Variants in DLGAP1 observed in about 807,000 individuals in gnomAD.
The protein encoded by DLGAP1 is disks large-associated protein 1.
In DLGAP1, 11 loss-of-function variants were observed where a neutral mutation model predicts 90.8. The ratio of observed to expected loss-of-function variants is 0.12; its 90% CI spans 0.08 to 0.20. The LOEUF is 0.20. Ranked by LOEUF, DLGAP1 falls within the 10% of genes least tolerant of loss-of-function variation. The pLI is 1.00. For synonymous variants in DLGAP1, 558 were observed against 540.7 expected, an observed-to-expected ratio of 1.03 and a Z score of -0.44; for missense variants, 1,050 against 1,333.8, an observed-to-expected ratio of 0.79 and a Z score of 3.31.
intron 2 of DLGAP1, among the ~76,000 whole-genome samples, chr18:4,144,950 T>G (rs2076560242): frequency 6.6e-6 from 1 of 152,214 alleles, no homozygotes; most frequent in African/African-American, 2.4e-5. Context: ...TGTAATAAAC[T>G]CTATTATACT....
chr18:3,902,910 T>G (rs2071814785), intron 3 of DLGAP1, among the ~76,000 whole-genome samples: 2 of 152,056 alleles, frequency 1.3e-5, no homozygotes, highest in East Asian at 1.9e-4. Flanking sequence ...CTTTTAAGAC[T>G]CATTCAAATC....
chr18:4,117,195 C>T (rs1475161392), intron 2 of DLGAP1, among the ~76,000 whole-genome samples: 1 of 152,164 alleles, frequency 6.6e-6, no homozygotes, highest in East Asian at 1.9e-4. Flanking sequence ...AAGAAACCAA[C>T]ACTGCTTACA....
chr18:4,125,190 G>C (rs959113983), intron 2 of DLGAP1, among the ~76,000 whole-genome samples: 2 of 152,158 alleles, frequency 1.3e-5, no homozygotes, highest in Non-Finnish European at 2.9e-5. Flanking sequence ...GAGTGAAGAG[G>C]GGTGCTTATG....
At chr18:3,641,461 C>T (rs769142834) in intron 7 of DLGAP1, among the ~76,000 whole-genome samples, 36 of 147,508 alleles carry the variant, frequency 2.4e-4, no homozygotes, top group South Asian at 4.3e-4. Flanking sequence ...CGCTTGAACC[C>T]GGGAGGAGGA....
At chr18:3,567,085 A>G (rs573630767) in intron 9 of DLGAP1, among the ~76,000 whole-genome samples, 7 of 124,980 alleles carry the variant, frequency 5.6e-5, no homozygotes, top group Admixed American at 5.6e-4. Context: ...TCATTCATTC[A>G]TCATTCATTG....
At position 3,967,944 on chromosome 18, in the gene DLGAP1, G is replaced by C. The variant is rs111564237; in HGVS notation, c.-73+37172C>G. On this transcript the variant is annotated intron_variant, in intron 3 of 12. Coordinates refer to ENST00000315677, the MANE Select transcript of DLGAP1 (RefSeq NM_004746.4). The stretch of plus-strand genomic sequence containing the variant: ...AGGCAAGCCATACTTCCCTTCTTAG[G>C]ACTCCTTCACATTCTCCTTGTGGCT... Among the ~76,000 whole-genome samples the C allele has an allele frequency of 3.2e-3, 488 of 151,838 alleles. 2 individuals carry two copies. Among genetic ancestry groups the C allele is most frequent in the African/African-American group, 0.011 (462 of 41,424 alleles).
At chr18:3,732,250 T>A (rs2062461551) in intron 6 of DLGAP1, among the ~76,000 whole-genome samples, 1 of 152,222 alleles carries the variant, frequency 6.6e-6, no homozygotes, top group South Asian at 2.1e-4. Flanking sequence ...AGGTTCAATC[T>A]TTTTGGCAAG....
intron 7 of DLGAP1, among the ~76,000 whole-genome samples, chr18:3,631,340 C>T (rs1309363250): frequency 6.6e-6 from 1 of 152,146 alleles, no homozygotes; most frequent in Non-Finnish European, 1.5e-5. Flanking sequence ...ACATATTTAA[C>T]TTACTAATAT....
chr18:4,126,938 T>C (rs1382405444), intron 2 of DLGAP1, among the ~76,000 whole-genome samples: 5 of 152,348 alleles, frequency 3.3e-5, no homozygotes, highest in South Asian at 2.1e-4. Context: ...AAAGGTGGCA[T>C]GACAGTATCT....
intron 3 of DLGAP1, among the ~76,000 whole-genome samples, chr18:3,907,108 T>C (rs1232421207): frequency 6.6e-6 from 1 of 152,164 alleles, no homozygotes; most frequent in South Asian, 2.1e-4. Flanking sequence ...GATTTTATAT[T>C]GGGGACATGA....
At chr18:3,661,652 C>T (rs973798537) in intron 7 of DLGAP1, among the ~76,000 whole-genome samples, 4 of 150,358 alleles carry the variant, frequency 2.7e-5, no homozygotes, top group African/African-American at 9.8e-5. Flanking sequence ...CCTTGGCTCA[C>T]TGCAACCTCC....
At chr18:4,286,795 T>A (rs1408619423) in intron 1 of DLGAP1, among the ~76,000 whole-genome samples, 1 of 152,042 alleles carries the variant, frequency 6.6e-6, no homozygotes, top group African/African-American at 2.4e-5. Context: ...GGGAAATAAT[T>A]TTGTTAGGGA....
At chr18:4,045,676 A>T (rs1160474750) in intron 2 of DLGAP1, among the ~76,000 whole-genome samples, 1 of 151,506 alleles carries the variant, frequency 6.6e-6, no homozygotes, top group Non-Finnish European at 1.5e-5. Flanking sequence ...CTCTCCTACC[A>T]TTTAATTAAT....
intron 3 of DLGAP1, among the ~76,000 whole-genome samples, chr18:3,955,252 C>G (rs1434063666): frequency 6.6e-6 from 1 of 152,142 alleles, no homozygotes; most frequent in African/African-American, 2.4e-5. Flanking sequence ...ATTGGGCATG[C>G]TCCGGACTTG....
At chr18:3,819,813 T>C (rs991432117) in intron 4 of DLGAP1, among the ~76,000 whole-genome samples, 2 of 152,188 alleles carry the variant, frequency 1.3e-5, no homozygotes, top group African/African-American at 2.4e-5. Flanking sequence ...TGGGTAACAA[T>C]TGTTATTTTT....
At chr18:4,101,430 C>T (rs147295969) in intron 2 of DLGAP1, among the ~76,000 whole-genome samples, 1 of 152,000 alleles carries the variant, frequency 6.6e-6, no homozygotes, top group African/African-American at 2.4e-5. Flanking sequence ...GATCACTGAT[C>T]AAAGATCACT....
chr18:4,329,643 C>A lies in DLGAP1; in HGVS notation c.-267+125363G>T, dbSNP rs904955092. On this transcript the variant is annotated intron_variant, in intron 1 of 12. Transcript: ENST00000315677. ...TAATCTGTGAAAAGGGAATATCTCT[C>A]CGTCATTGAGTTCTTTTTAAATTTC... Among the ~76,000 whole-genome samples, 6 of 152,022 alleles carry A rather than the reference C, an allele frequency of 3.9e-5. No individual in the cohort carries two copies. In the East Asian group the frequency reaches 1.2e-3, roughly 29 times the overall value.
At chr18:4,003,682 T>C (rs2074244321) in intron 3 of DLGAP1, among the ~76,000 whole-genome samples, 2 of 152,004 alleles carry the variant, frequency 1.3e-5, no homozygotes, top group African/African-American at 4.8e-5. Flanking sequence ...AGGGAGAGAA[T>C]ACAGGAAGGC....
rs2083939729 is a variant in DLGAP1, at chr18:4,455,006, C to T, written c.-267G>A. On this transcript the variant is annotated splice_region_variant and 5_prime_UTR_variant, in exon 1 of 13. Transcript: ENST00000315677. Reference sequence around the variant, plus strand: ...GCCCCGCGGCGCAGCCCGGCGTTACCTGGCCGCGTCCCGCAGTCCGGCCCT... The same window carrying T: ...GCCCCGCGGCGCAGCCCGGCGTTACTTGGCCGCGTCCCGCAGTCCGGCCCT... 1 of 151,350 alleles carries T rather than the reference C, an allele frequency of 6.6e-6. No individual in the cohort carries two copies. The highest frequency in any genetic ancestry group is 6.6e-5 in the Admixed American group (1 of 15,160). The allele number at this position is 151,350 out of a possible 1,614,324, so 9.4% of individuals were successfully genotyped here. A position where few individuals can be genotyped will look rare whatever the true frequency, so the allele number is the denominator to read the frequency against.
Sources: gnomAD v4.1 joint callset for allele counts (sites outside exome capture counted in the v4.1 genomes callset) on GRCh38, gnomAD v4.1.1 for gene constraint, MANE v1.5 for transcripts, NCBI Gene and HGNC (gene_info 2026-07-23, HGNC 2026-07-21) for gene names.